Variants in ZNF292 observed in about 807,000 individuals in gnomAD.
ZNF292 encodes zinc finger protein 292, also known as 16 zinc-finger domain protein.
In ZNF292, 26 loss-of-function variants were observed where a neutral mutation model predicts 217.9. The observed-to-expected ratio is 0.12, with a 90% CI of 0.09 to 0.17. The LOEUF (loss-of-function observed/expected upper bound fraction) is 0.17. ZNF292 is among the 10% of genes least tolerant of loss of function. ZNF292 has a pLI of 1.00. For missense variants in ZNF292, 2,904 were observed against 3,175.2 expected (o/e 0.91, Z 2.05); for synonymous variants, 1,257 against 1,124.1 (o/e 1.12, Z -2.37).
chr6:87,256,253 A>C lies in ZNF292; in HGVS notation c.2624A>C (p.Glu875Ala). Reference protein sequence around the residue: ...IEKERSMLPSENNIENSLLAD... With the variant: ...IEKERSMLPSANNIENSLLAD... Reference sequence around the variant, plus strand: ...AAAGAAAGATCTATGCTTCCTTCAGAAAATAACATTGAAAACAGCTTACTA... The same window carrying C: ...AAAGAAAGATCTATGCTTCCTTCAGCAAATAACATTGAAAACAGCTTACTA... The change falls in exon 8 of 8, where the codon GAA becomes GCA. Residue 875 changes from glutamate (E) to alanine (A), a missense_variant. Transcript: ENST00000369577. The C allele has an allele frequency of 6.2e-7, 1 of 1,613,904 alleles. No individual in the cohort carries two copies. Among genetic ancestry groups the C allele is most frequent in the Non-Finnish European group, 8.5e-7 (1 of 1,179,826 alleles).
chr6:87,165,803 G>T (rs868423703), intron 1 of ZNF292, among the ~76,000 whole-genome samples: 9 of 141,970 alleles, frequency 6.3e-5, no homozygotes, highest in Non-Finnish European at 1.0e-4. Flanking sequence ...TTGTCTCCCA[G>T]GCTGGAGTGC....
Position 87,257,288 on chromosome 6 carries a change from A to G in ZNF292, c.3659A>G (p.Lys1220Arg). The G allele has an allele frequency of 6.2e-7, 1 of 1,613,712 alleles. No homozygotes were observed. The highest frequency in any genetic ancestry group is 8.5e-7 in the Non-Finnish European group (1 of 1,179,784). Residue 1220 changes from lysine to arginine, a missense_variant, in exon 8 of 8, where the codon AAA becomes AGA. By Grantham distance (26) the Lys-to-Arg change is conservative. Coordinates refer to ENST00000369577, the MANE Select transcript of ZNF292 (RefSeq NM_015021.3). ...AATCCAAATATAACTTCTCAGGATA[A>G]AAATGAACAAGGTGGTATGTTATGT... ...VINPNITSQD[K>R]NEQGGMLCSQ...
At chr6:87,164,550 T>C (rs1420783958) in intron 1 of ZNF292, among the ~76,000 whole-genome samples, 2 of 152,308 alleles carry the variant, frequency 1.3e-5, no homozygotes, top group Admixed American at 6.5e-5. Context: ...TACTGTAGTG[T>C]GAGGCACTTT....
chr6:87,191,303 A>G (rs748327815), intron 1 of ZNF292, among the ~76,000 whole-genome samples: 3 of 152,188 alleles, frequency 2.0e-5, no homozygotes, highest in Non-Finnish European at 2.9e-5. Context: ...AAAAATCACA[A>G]AAAACTCATA....
At chr6:87,237,871 T>A (rs992662861) in intron 5 of ZNF292, among the ~76,000 whole-genome samples, 3 of 152,252 alleles carry the variant, frequency 2.0e-5, no homozygotes, top group Non-Finnish European at 2.9e-5. Flanking sequence ...TGGTAATCTC[T>A]GAATTTTGCT....
At chr6:87,195,851 A>G (rs1771940115) in intron 1 of ZNF292, among the ~76,000 whole-genome samples, 2 of 151,942 alleles carry the variant, frequency 1.3e-5, no homozygotes, top group African/African-American at 4.8e-5. Flanking sequence ...AACGTGGGGA[A>G]ACCCCGTCTC....
chr6:87,255,827 G>A lies in ZNF292; in HGVS notation c.2198G>A (p.Ser733Asn), dbSNP rs1775181740. 1.2e-6 allele frequency: 2 copies of A among 1,613,850 alleles called. No homozygotes were observed. Among genetic ancestry groups the A allele is most frequent in the East Asian group, 4.5e-5 (2 of 44,878 alleles). The change falls in exon 8 of 8, where the codon AGT becomes AAT. Residue 733 changes from serine to asparagine, a missense_variant. Physicochemically the swap from Ser to Asn is conservative, Grantham distance 46 (BLOSUM62 1). Transcript: ENST00000369577. Reference sequence around the variant, plus strand: ...CAGTACTGTAGGCGGCATTTTGTGAGTGTTACTCATCTCAATGATCACTTA... The same window carrying A: ...CAGTACTGTAGGCGGCATTTTGTGAATGTTACTCATCTCAATGATCACTTA... ...ICQYCRRHFV[S>N]VTHLNDHLQM...
chr6:87,160,690 A>G (rs1582362209), intron 1 of ZNF292, among the ~76,000 whole-genome samples: 1 of 151,588 alleles, frequency 6.6e-6, no homozygotes, highest in South Asian at 2.1e-4. Context: ...GTGTGTATAT[A>G]TATATATATA....
intron 5 of ZNF292, among the ~76,000 whole-genome samples, chr6:87,238,472 C>T (rs1774009085): frequency 6.9e-6 from 1 of 145,398 alleles, no homozygotes; most frequent in African/African-American, 2.6e-5. Context: ...GGTGATTGAG[C>T]GAGTCTCCAT....
intron 1 of ZNF292, among the ~76,000 whole-genome samples, chr6:87,181,955 A>G (rs1409258273): frequency 6.6e-6 from 1 of 152,134 alleles, no homozygotes. Flanking sequence ...AAGTGCTGAG[A>G]TTACAGGCGC....
intron 1 of ZNF292, among the ~76,000 whole-genome samples, chr6:87,183,759 AT>A (rs1457097549): frequency 1.3e-5 from 2 of 152,314 alleles, no homozygotes; most frequent in African/African-American, 4.8e-5. Flanking sequence ...CAGATAAGCC[AT>A]TATTCATAAA....
intron 4 of ZNF292, among the ~76,000 whole-genome samples, chr6:87,225,891 C>A (rs1048306653): frequency 6.6e-6 from 1 of 152,168 alleles, no homozygotes; most frequent in African/African-American, 2.4e-5. Flanking sequence ...GAAGGTCTCA[C>A]CATGCTCAGT....
intron 1 of ZNF292, among the ~76,000 whole-genome samples, 177 bp from the exon 2 acceptor site, chr6:87,215,726 T>C (rs1215647654): frequency 6.6e-6 from 1 of 152,148 alleles, no homozygotes; most frequent in East Asian, 1.9e-4. Flanking sequence ...TACAGAGAGC[T>C]GCCAAAAATA....
intron 1 of ZNF292, among the ~76,000 whole-genome samples, chr6:87,157,770 C>T (rs998792111): frequency 6.6e-6 from 1 of 152,150 alleles, no homozygotes; most frequent in Admixed American, 6.5e-5. Flanking sequence ...CTCACTGCAG[C>T]CTCCATCTCC....
rs907902443 is a variant in ZNF292, at chr6:87,255,901, A to C, written c.2272A>C (p.Lys758Gln). The C allele has an allele frequency of 1.1e-5, 18 of 1,613,806 alleles. No homozygotes were observed. Among genetic ancestry groups the C allele is most frequent in the Non-Finnish European group, 1.4e-5 (17 of 1,179,840 alleles). Residue 758 changes from lysine to glutamine, a missense_variant, in exon 8 of 8, where the codon AAA (lysine) becomes CAA (glutamine). Physicochemically the swap from Lys to Gln is moderately conservative, Grantham distance 53. Around this residue, in one of 15 missense-constraint regions of ZNF292, gnomAD observed 216 missense variants for 308.3 expected, o/e 0.70. Transcript: ENST00000369577. ...KPYICIQMKC[K>Q]AGFNSYAELL... Reference sequence around the variant, plus strand: ...ATATATCTGTATACAGATGAAATGTAAAGCTGGTTTTAATAGTTACGCCGA... The same window carrying C: ...ATATATCTGTATACAGATGAAATGTCAAGCTGGTTTTAATAGTTACGCCGA...
At chr6:87,196,628 A>G (rs181770662) in intron 1 of ZNF292, among the ~76,000 whole-genome samples, 4 of 152,192 alleles carry the variant, frequency 2.6e-5, no homozygotes, top group South Asian at 2.1e-4. Flanking sequence ...CACTTACTCA[A>G]AGTTGATATA....
At chr6:87,156,641 A>T (rs1174009017) in intron 1 of ZNF292, among the ~76,000 whole-genome samples, 1 of 152,194 alleles carries the variant, frequency 6.6e-6, no homozygotes, top group East Asian at 1.9e-4. Flanking sequence ...GTGGGAGAAG[A>T]CTGAGGTTCA....
At chr6:87,241,283 CATAAATAA>C (rs111321821) in intron 5 of ZNF292, among the ~76,000 whole-genome samples, 29 of 151,726 alleles carry the variant, frequency 1.9e-4, no homozygotes, top group African/African-American at 5.6e-4. Flanking sequence ...GACTCCGTCT[CATAAATAA>C]ATAAATAAAT....
chr6:87,223,020 G>A (rs1272054736), intron 4 of ZNF292: 1 of 244,388 alleles, frequency 4.1e-6, no homozygotes, highest in African/African-American at 2.2e-5. Context: ...TTATATAAAG[G>A]GTATCTGTTG....
Sources: gnomAD v4.1 joint callset for allele counts (sites outside exome capture counted in the v4.1 genomes callset) on GRCh38, gnomAD v4.1.1 for gene constraint, gnomAD v4.1.1 regional missense constraint, MANE v1.5 for transcripts, NCBI Gene and HGNC (gene_info 2026-07-23, HGNC 2026-07-21) for gene names.